ZFYVE9: variants seen among roughly 807,000 people sequenced by gnomAD.
ZFYVE9 encodes zinc finger FYVE domain-containing protein 9.
In ZFYVE9, 43 loss-of-function variants were observed where a neutral mutation model predicts 126.7. That is an observed-to-expected ratio of 0.34 (90% CI 0.27 to 0.44). The LOEUF (loss-of-function observed/expected upper bound fraction) is 0.44, where lower values mean the gene tolerates loss of function less well. ZFYVE9 is among the 20% of genes least tolerant of loss of function. The pLI is 1.00. For synonymous variants in ZFYVE9, 521 were observed against 597.4 expected, an observed-to-expected ratio of 0.87 and a Z score of 1.87; for missense variants, 1,476 against 1,697.0, an observed-to-expected ratio of 0.87 and a Z score of 2.29.
chr1:52,332,946 G>A (rs1284635803), intron 14 of ZFYVE9, 28 bp downstream of exon 14: 3 of 1,613,518 alleles, frequency 1.9e-6, no homozygotes, highest in Non-Finnish European at 2.5e-6. Context: ...TTGAGATTAT[G>A]ATAATGGAAA....
intron 1 of ZFYVE9, among the ~76,000 whole-genome samples, chr1:52,157,394 C>CTTTTTTTTTTTTTTTT (rs71579908): frequency 1.7e-5 from 1 of 58,444 alleles, no homozygotes; most frequent in African/African-American, 7.5e-5. Context: ...ACCATATTCT[C>CTTTTTTTTTTTTTTTT]TTTTTTTTTT....
intron 4 of ZFYVE9, among the ~76,000 whole-genome samples, chr1:52,256,534 C>T (rs143069813): frequency 3.9e-5 from 6 of 152,242 alleles, no homozygotes; most frequent in African/African-American, 1.2e-4. Flanking sequence ...TGTGCCACCA[C>T]GCTCAGCAGA....
intron 13 of ZFYVE9, among the ~76,000 whole-genome samples, chr1:52,331,982 G>A (rs1467837744): frequency 2.6e-5 from 4 of 151,630 alleles, no homozygotes; most frequent in Admixed American, 6.6e-5. Context: ...GGGTTTCACC[G>A]TATTAACCAT....
chr1:52,266,405 TAAAAAAAAAAA>T (rs33996604), intron 5 of ZFYVE9, among the ~76,000 whole-genome samples: 14 of 85,628 alleles, frequency 1.6e-4, no homozygotes, highest in Admixed American at 6.0e-4. Flanking sequence ...TCTAATTCTT[TAAAAAAAAAAA>T]AAAAAAAAAA....
At chr1:52,294,174 C>G in intron 11 of ZFYVE9, among the ~76,000 whole-genome samples, 1 of 152,170 alleles carries the variant, frequency 6.6e-6, no homozygotes, top group East Asian at 1.9e-4. Flanking sequence ...TGGTTAAATG[C>G]AAACTTTATT....
At chr1:52,253,594 T>C (rs1645473421) in intron 4 of ZFYVE9, 1 of 1,081,958 alleles carries the variant, frequency 9.2e-7, no homozygotes, top group South Asian at 1.3e-5. Context: ...AACCTGAGTT[T>C]TGGCAAGCAG....
intron 1 of ZFYVE9, among the ~76,000 whole-genome samples, chr1:52,197,027 T>C (rs1202282133): frequency 6.6e-6 from 1 of 152,130 alleles, no homozygotes; most frequent in Non-Finnish European, 1.5e-5. Flanking sequence ...ATCACTTGAA[T>C]AGATCTTTCA....
At chr1:52,325,296 C>G (rs1432462049) in intron 13 of ZFYVE9, among the ~76,000 whole-genome samples, 1 of 151,952 alleles carries the variant, frequency 6.6e-6, no homozygotes, top group African/African-American at 2.4e-5. Flanking sequence ...CCACTGCACT[C>G]TAGCCTGGGC....
intron 1 of ZFYVE9, among the ~76,000 whole-genome samples, chr1:52,171,642 C>T (rs1001052040): frequency 2.0e-5 from 3 of 152,200 alleles, no homozygotes; most frequent in African/African-American, 7.2e-5. Context: ...CCTATTTCTC[C>T]ACATCCTCTC....
intron 9 of ZFYVE9, among the ~76,000 whole-genome samples, chr1:52,280,317 T>G (rs574549462): frequency 1.3e-5 from 2 of 150,742 alleles, no homozygotes; most frequent in African/African-American, 2.4e-5. Context: ...GAGACGGAGG[T>G]TGCAGTGAGC....
chr1:52,287,858 C>G (rs1042341053), intron 10 of ZFYVE9, among the ~76,000 whole-genome samples: 2 of 151,964 alleles, frequency 1.3e-5, no homozygotes, highest in Non-Finnish European at 2.9e-5. Context: ...CACAGTGAGA[C>G]CCTATCTTTA....
chr1:52,155,489 C>T (rs190887540), intron 1 of ZFYVE9, among the ~76,000 whole-genome samples: 2 of 152,334 alleles, frequency 1.3e-5, no homozygotes, highest in East Asian at 1.9e-4. Flanking sequence ...CCGCCTCGGC[C>T]TCCCAAAGTG....
At chr1:52,325,501 G>A (rs1175376414) in intron 13 of ZFYVE9, among the ~76,000 whole-genome samples, 1 of 152,134 alleles carries the variant, frequency 6.6e-6, no homozygotes, top group Non-Finnish European at 1.5e-5. Flanking sequence ...GCCTGAACGA[G>A]AAGGCGAGAC....
chr1:52,329,474 GA>G (rs1159322915), intron 13 of ZFYVE9, among the ~76,000 whole-genome samples: 4 of 151,290 alleles, frequency 2.6e-5, no homozygotes, highest in East Asian at 1.9e-4. Context: ...AGCAACAAAA[GA>G]AAAAAAATAG....
chr1:52,310,255 T>C (rs1646125406), intron 13 of ZFYVE9, among the ~76,000 whole-genome samples: 1 of 152,154 alleles, frequency 6.6e-6, no homozygotes, highest in African/African-American at 2.4e-5. Flanking sequence ...ACCATTGCAC[T>C]GGGCCTCATG....
intron 1 of ZFYVE9, among the ~76,000 whole-genome samples, chr1:52,176,745 G>C (rs369298319): frequency 3.3e-5 from 5 of 152,134 alleles, no homozygotes; most frequent in Admixed American, 3.3e-4. Flanking sequence ...TTGATCTCAG[G>C]CTGCTGTGCT....
At chr1:52,146,076 TA>T (rs550417397) in intron 1 of ZFYVE9, among the ~76,000 whole-genome samples, 2 of 146,002 alleles carry the variant, frequency 1.4e-5, no homozygotes, top group Admixed American at 1.4e-4. Context: ...CATACAATAA[TA>T]AAAATAATAC....
intron 1 of ZFYVE9, among the ~76,000 whole-genome samples, chr1:52,166,272 A>G (rs60993976): frequency 0.019 from 2,857 of 152,222 alleles, 85 homozygotes; most frequent in African/African-American, 0.065. Context: ...CATCATTGCT[A>G]TTGTGCTTTC....
intron 10 of ZFYVE9, among the ~76,000 whole-genome samples, chr1:52,283,377 A>G (rs933338176): frequency 3.9e-5 from 6 of 152,218 alleles, no homozygotes; most frequent in Non-Finnish European, 5.9e-5. Flanking sequence ...ATTTGAGATG[A>G]TGAGTGACAT....
Sources: allele counts gnomAD v4.1 joint callset (sites outside exome capture counted in the v4.1 genomes callset), GRCh38; gene constraint gnomAD v4.1.1; transcripts MANE v1.5; gene names NCBI Gene and HGNC (gene_info 2026-07-23, HGNC 2026-07-21).